The following NDUFAF1 variants were observed in gnomAD, a reference collection of about 807,000 sequenced individuals.
The protein encoded by NDUFAF1 is complex I intermediate-associated protein 30, mitochondrial.
NDUFAF1 carries 18 observed loss-of-function variants against 28.7 expected under a neutral mutation model. The ratio of observed to expected loss-of-function variants is 0.63; its 90% CI spans 0.43 to 0.93. The LOEUF (loss-of-function observed/expected upper bound fraction) is 0.93. NDUFAF1 is among the 40% of genes least tolerant of loss of function. The probability of loss-of-function intolerance (pLI) is 0.00; values close to 1 mark genes in which losing one functional copy is unlikely to be tolerated. For synonymous variants in NDUFAF1, 113 were observed against 139.7 expected, an observed-to-expected ratio of 0.81 and a Z score of 1.35; for missense variants, 404 against 398.3, an observed-to-expected ratio of 1.01 and a Z score of -0.12.
At chr15:41,401,266 C>G (rs1007866652) in intron 1 of NDUFAF1, among the ~76,000 whole-genome samples, 9 of 129,848 alleles carry the variant, frequency 6.9e-5, no homozygotes, top group Non-Finnish European at 1.2e-4. Flanking sequence ...CGGCGCCCAA[C>G]CTTTTTTTTT....
Position 41,396,534 on chromosome 15 carries a change from C to T in NDUFAF1, c.526G>A (p.Glu176Lys), listed in dbSNP as rs35227875. The change falls in exon 2 of 5, where the codon GAG (glutamate) becomes AAG (lysine). Residue 176 changes from glutamate to lysine, a missense_variant. Transcript: ENST00000260361. ...GCACAGTACCCACTTCGGGTAGACT[C>T]CCCGTCCTGAGGCGCCTCAGAGCTC... is the stretch of plus-strand genomic sequence containing the variant. ...TLSSEAPQDG[E>K]STRSGYCAMI... 0.035 allele frequency: 56,189 copies of T among 1,614,108 alleles called. 1,102 individuals are homozygous for T. The highest frequency in any genetic ancestry group is 0.039 in the Non-Finnish European group (46,173 of 1,180,026).
intron 1 of NDUFAF1, among the ~76,000 whole-genome samples, chr15:41,398,426 G>A (rs1305627747): frequency 6.7e-6 from 1 of 150,130 alleles, no homozygotes; most frequent in East Asian, 2.0e-4. Flanking sequence ...AGGGATTGCA[G>A]TGAGCCGAGA....
intron 1 of NDUFAF1, among the ~76,000 whole-genome samples, chr15:41,397,346 C>G (rs998886335): frequency 6.6e-6 from 1 of 152,212 alleles, no homozygotes; most frequent in Admixed American, 6.6e-5. Context: ...ACTTTCTGGG[C>G]TCAAATGATC....
chr15:41,387,914 A>G (rs898032871), intron 4 of NDUFAF1, among the ~76,000 whole-genome samples: 2 of 152,256 alleles, frequency 1.3e-5, no homozygotes, highest in African/African-American at 4.8e-5. Flanking sequence ...GTTAAAAACC[A>G]GCCTGCCCAA....
At chr15:41,392,391 G>T (rs1326924471) in intron 3 of NDUFAF1, among the ~76,000 whole-genome samples, 1 of 152,012 alleles carries the variant, frequency 6.6e-6, no homozygotes, top group Admixed American at 6.6e-5. Flanking sequence ...TATTCGAATT[G>T]TAATGGGAAA....
At position 41,397,003 on chromosome 15, in the gene NDUFAF1, C is replaced by A. The variant is rs1484645285; in HGVS notation, c.57G>T (p.Lys19Asn). 6.2e-7 allele frequency: 1 copy of A among 1,612,576 alleles called. No homozygotes were observed. Among genetic ancestry groups the A allele is most frequent in the Non-Finnish European group, 8.5e-7 (1 of 1,179,490 alleles). ...AAAATGGATACAAGGCAGAAGTTGG[C>A]TTAGAGAATTTTCTGAGAAAATAAG... Reference protein sequence around the residue: ...RGTYFLRKFSKPTSALYPFLG... With the variant: ...RGTYFLRKFSNPTSALYPFLG... Residue 19 changes from lysine (K) to asparagine (N), a missense_variant, in exon 2 of 5, where the codon AAG becomes AAT. Physicochemically the swap from Lys to Asn is moderately conservative, Grantham distance 94. Coordinates refer to ENST00000260361, the MANE Select transcript of NDUFAF1 (RefSeq NM_016013.4).
At position 41,391,324 on chromosome 15, in the gene NDUFAF1, T is replaced by G. The variant is rs138412836; in HGVS notation, c.760-2802A>C. Among the ~76,000 whole-genome samples the G allele has an allele frequency of 4.6e-3, 694 of 151,946 alleles. 8 individuals are homozygous for G. The highest frequency in any genetic ancestry group is 0.016 in the African/African-American group (658 of 41,464). On this transcript the variant is annotated intron_variant, in intron 3 of 4. Transcript: ENST00000260361. The stretch of plus-strand genomic sequence containing the variant: ...AAGCAAGATCTCTGCTCTCACAGAA[T>G]TTACAGAATTTAGGGCCAGGTGTGG...
chr15:41,402,975 C>T (rs2050485532), upstream of NDUFAF1, among the ~76,000 whole-genome samples: 1 of 151,952 alleles, frequency 6.6e-6, no homozygotes, highest in Admixed American at 6.6e-5. Flanking sequence ...CGTGATCCAC[C>T]CGCCTCGGCC....
In NDUFAF1 at chr15:41,395,536, AT is replaced by A. The variant is rs559804321; in HGVS notation, c.574-493del. 2.6e-3 allele frequency among the ~76,000 whole-genome samples: 396 copies of A among 149,760 alleles called. 2 individuals are homozygous for A. Among genetic ancestry groups the A allele is most frequent in the Middle Eastern group, 0.011 (3 of 278 alleles). On this transcript the variant is annotated intron_variant, in intron 2 of 4. Coordinates refer to ENST00000260361, the MANE Select transcript of NDUFAF1 (RefSeq NM_016013.4). ...AGGCGCCCAAAACCACACCCGGCTAATTTTTTTGTATTTTTAGTAGAGACGG... is the reference window on the plus strand; with the variant it reads ...AGGCGCCCAAAACCACACCCGGCTAATTTTTTGTATTTTTAGTAGAGACGG...
At chr15:41,388,134 C>T (rs900252616) in intron 4 of NDUFAF1, among the ~76,000 whole-genome samples, 2 of 151,966 alleles carry the variant, frequency 1.3e-5, no homozygotes, top group African/African-American at 2.4e-5. Flanking sequence ...CTAGTAAGGA[C>T]GACATGAATG....
chr15:41,395,661 C>G (rs1166471556), intron 2 of NDUFAF1, among the ~76,000 whole-genome samples: 1 of 136,036 alleles, frequency 7.4e-6, no homozygotes, highest in East Asian at 2.4e-4. Context: ...TGAGCCACTG[C>G]GCCCGGCCTT....
Position 41,396,816 on chromosome 15 carries a change from A to C in NDUFAF1, c.244T>G (p.Phe82Val). 6.2e-7 allele frequency: 1 copy of C among 1,614,148 alleles called. No individual in the cohort carries two copies. The highest frequency in any genetic ancestry group is 8.5e-7 in the Non-Finnish European group (1 of 1,180,036). Reference protein sequence around the residue: ...TSSEEKPDVSFDKAIRDEAIY... With the variant: ...TSSEEKPDVSVDKAIRDEAIY... ...GCTTCATCTCTAATTGCTTTATCGA[A>C]ACTAACATCAGGCTTCTCCTCAGAA... Residue 82 changes from phenylalanine to valine, a missense_variant, in exon 2 of 5, where the codon TTC becomes GTC. By Grantham distance (50) the Phe-to-Val change is conservative. Coordinates refer to ENST00000260361, the MANE Select transcript of NDUFAF1 (RefSeq NM_016013.4).
At chr15:41,399,258 T>G (rs1352726402) in intron 1 of NDUFAF1, among the ~76,000 whole-genome samples, 1 of 151,654 alleles carries the variant, frequency 6.6e-6, no homozygotes, top group Non-Finnish European at 1.5e-5. Flanking sequence ...TAGCCAGGTG[T>G]GGTGGCCCAT....
rs894627837 is a variant in NDUFAF1, at chr15:41,392,135, C to T, written c.759+2724G>A. Among the ~76,000 whole-genome samples the T allele has an allele frequency of 3.4e-5, 5 of 146,848 alleles. No homozygotes were observed. In the East Asian group the frequency reaches 7.9e-4, roughly 23 times the overall value. On this transcript the variant is annotated intron_variant, in intron 3 of 4. Coordinates refer to ENST00000260361, the MANE Select transcript of NDUFAF1 (RefSeq NM_016013.4). ...TCACCCAGGGTGGAGTACAGTGGCGCGATCTTGGCTCACTGCAACTTCCAC... is the reference window on the plus strand; with the variant it reads ...TCACCCAGGGTGGAGTACAGTGGCGTGATCTTGGCTCACTGCAACTTCCAC...
intron 1 of NDUFAF1, among the ~76,000 whole-genome samples, chr15:41,400,335 C>G (rs572941735): frequency 6.8e-6 from 1 of 147,502 alleles, no homozygotes; most frequent in Non-Finnish European, 1.5e-5. Context: ...CGCCATTGCA[C>G]TCCAGCCTGG....
chr15:41,398,396 A>G (rs955745388), intron 1 of NDUFAF1, among the ~76,000 whole-genome samples: 2 of 151,356 alleles, frequency 1.3e-5, no homozygotes, highest in Non-Finnish European at 2.9e-5. Context: ...AAGCAGGAGA[A>G]TCACTTGAAC....
chr15:41,391,766 T>C (rs1349403621), intron 3 of NDUFAF1, among the ~76,000 whole-genome samples: 1 of 151,994 alleles, frequency 6.6e-6, no homozygotes, highest in Non-Finnish European at 1.5e-5. Flanking sequence ...GATTAGAGGG[T>C]CCAACTTTAG....
At position 41,389,966 on chromosome 15, in the gene NDUFAF1, A is replaced by T. The variant is rs183590301; in HGVS notation, c.760-1444T>A. On this transcript the variant is annotated intron_variant, in intron 3 of 4. Transcript: ENST00000260361. The stretch of plus-strand genomic sequence containing the variant: ...ATGAAGAACAAGTTAAGAAAAAAAA[A>T]TTTTTTTTTTTGAGACAGGGTCTTA... Among the ~76,000 whole-genome samples, 113 of 149,202 alleles carry T rather than the reference A, an allele frequency of 7.6e-4. No individual in the cohort carries two copies. The East Asian group carries it at 0.011, about 14-fold the overall frequency.
chr15:41,388,356 C>T, intron 4 of NDUFAF1, 92 bp downstream of exon 4: 1 of 1,032,534 alleles, frequency 9.7e-7, no homozygotes, highest in Non-Finnish European at 1.5e-6. Flanking sequence ...AAATATTCAT[C>T]TGCCAGCCTT....
Sources: allele counts gnomAD v4.1 joint callset (sites outside exome capture counted in the v4.1 genomes callset), GRCh38; gene constraint gnomAD v4.1.1; transcripts MANE v1.5; gene names NCBI Gene and HGNC (gene_info 2026-07-23, HGNC 2026-07-21).